Variants in GNG7 observed in about 807,000 individuals in gnomAD.
The protein encoded by GNG7 is guanine nucleotide-binding protein G(I)/G(S)/G(O) subunit gamma-7.
In GNG7, 1 loss-of-function variant was observed where a neutral mutation model predicts 4.0. The observed-to-expected ratio is 0.25, with a 90% confidence interval of 0.09 to 1.18. The LOEUF (loss-of-function observed/expected upper bound fraction) is 1.18, where lower values mean the gene tolerates loss of function less well. GNG7 is among the 50% of genes most tolerant of loss of function. GNG7 has a pLI of 0.50. For synonymous variants in GNG7, 34 were observed against 36.9 expected (o/e 0.92, Z 0.29); for missense variants, 86 against 91.9 (o/e 0.94, Z 0.26).
At position 2,696,334 on chromosome 19, in the gene GNG7, G is replaced by GA. The variant is rs1555705073; in HGVS notation, c.-135+6311dup. Among the ~76,000 whole-genome samples, 1,068 of 133,920 alleles carry GA rather than the reference G, an allele frequency of 8.0e-3. 13 individuals are homozygous for GA. The highest frequency in any genetic ancestry group is 0.029 in the African/African-American group (997 of 33,932). 87.9% of individuals were successfully genotyped at this position (133,920 alleles called of 152,430 possible). ...AGAAAGAAAGAAAGAAAGAAAGAAAGAAAGAAAGAAAGAAAAGAAAGAAAA... is the reference window on the plus strand; with the variant it reads ...AGAAAGAAAGAAAGAAAGAAAGAAAGAAAAGAAAGAAAGAAAAGAAAGAAAA... On this transcript the variant is annotated intron_variant, in intron 1 of 4. Transcript: ENST00000382159.
chr19:2,640,564 C>A (rs544414081), intron 2 of GNG7, among the ~76,000 whole-genome samples: 75 of 152,300 alleles, frequency 4.9e-4, no homozygotes, highest in African/African-American at 1.7e-3. Context: ...TGAGGCCCAT[C>A]GGTGCTGGGC....
intron 1 of GNG7, among the ~76,000 whole-genome samples, chr19:2,658,083 G>T: frequency 6.6e-6 from 1 of 152,230 alleles, no homozygotes; most frequent in Non-Finnish European, 1.5e-5. Context: ...ATGTCTTGGT[G>T]GTAGTGGTCC....
At chr19:2,542,400 G>A (rs116840699) in intron 3 of GNG7, among the ~76,000 whole-genome samples, 1,773 of 152,178 alleles carry the variant, frequency 0.012, 45 homozygotes, top group African/African-American at 0.041. Flanking sequence ...ACAGGTGCGA[G>A]TCACCGCGCC....
chr19:2,524,543 T>C (rs1294194672), intron 3 of GNG7, among the ~76,000 whole-genome samples: 1 of 152,252 alleles, frequency 6.6e-6, no homozygotes, highest in African/African-American at 2.4e-5. Context: ...TCTGCATGTG[T>C]ATGTGTACCT....
At chr19:2,598,746 C>T (rs1981111271) in intron 2 of GNG7, among the ~76,000 whole-genome samples, 1 of 150,742 alleles carries the variant, frequency 6.6e-6, no homozygotes. Flanking sequence ...CATCTTCCGT[C>T]AAAAGAATCA....
chr19:2,539,912 CCT>C (rs1377296266), intron 3 of GNG7, among the ~76,000 whole-genome samples: 2 of 146,840 alleles, frequency 1.4e-5, no homozygotes, highest in Admixed American at 6.8e-5. Context: ...TCCCTCCCTC[CCT>C]CTTTCTCTTT....
intron 3 of GNG7, chr19:2,538,868 A>C (rs991257027): frequency 8.3e-6 from 2 of 241,576 alleles, no homozygotes; most frequent in Admixed American, 1.1e-4. Flanking sequence ...TCCTGGGTTC[A>C]AGCCATTCTC....
In GNG7 at chr19:2,633,485, GCGCACACACA is replaced by G. The variant is rs1292519310; in HGVS notation, c.-78+12729_-78+12738del. 0.043 allele frequency among the ~76,000 whole-genome samples: 5,646 copies of G among 131,964 alleles called. 169 individuals carry two copies. Among genetic ancestry groups the G allele is most frequent in the Non-Finnish European group, 0.057 (3,525 of 62,028 alleles). The allele number at this position is 131,964 out of a possible 152,430, so 86.6% of individuals were successfully genotyped here. ...CTTAGCAACAGGCGCGCGCGCGCGC[GCGCACACACA>G]CACACACACACACACACACACACAC... On this transcript the variant is annotated intron_variant, in intron 2 of 4. Coordinates refer to ENST00000382159, the MANE Select transcript of GNG7 (RefSeq NM_052847.3). This position sits in a 1 kb window ranked among gnomAD's most constrained non-coding sequence, Gnocchi z 5.9.
chr19:2,637,785 G>A (rs775745504), intron 2 of GNG7, among the ~76,000 whole-genome samples: 3 of 151,344 alleles, frequency 2.0e-5, no homozygotes, highest in Non-Finnish European at 4.4e-5. Context: ...CATGCCAGGA[G>A]CATCCCTCCA....
rs554981706 is a variant in GNG7, at chr19:2,694,233, T to C, written c.-135+8413A>G. ...TTGGGGAGATTTTTTTGTTGCTTTT[T>C]TTTGGGGGGGGGCAGGGAATAGCAC... is the stretch of plus-strand genomic sequence containing the variant. On this transcript the variant is annotated intron_variant, in intron 1 of 4. Transcript: ENST00000382159. Among the ~76,000 whole-genome samples the C allele has an allele frequency of 9.3e-5, 14 of 150,824 alleles. No individual in the cohort carries two copies. The East Asian group carries it at 1.2e-3, about 13-fold the overall frequency.
intron 2 of GNG7, among the ~76,000 whole-genome samples, chr19:2,584,611 GGGAAGGAAGGA>G (rs1400257525): frequency 7.6e-6 from 1 of 131,140 alleles, no homozygotes; most frequent in Non-Finnish European, 1.6e-5. Context: ...GAGAGAGAGA[GGGAAGGAAGGA>G]GGAAGGAAGG....
intron 3 of GNG7, among the ~76,000 whole-genome samples, chr19:2,553,534 A>ATAT (rs1979412743): frequency 1.3e-5 from 2 of 148,320 alleles, no homozygotes; most frequent in Non-Finnish European, 1.5e-5. Context: ...ATTACATGTA[A>ATAT]CATCACATTA....
chr19:2,702,315 C>G (rs1050145289), intron 1 of GNG7, among the ~76,000 whole-genome samples: 2 of 147,700 alleles, frequency 1.4e-5, no homozygotes, highest in African/African-American at 2.5e-5. Context: ...AATCCTTCCC[C>G]AGCTAACCTC....
chr19:2,544,781 G>A (rs1205255528), intron 3 of GNG7, among the ~76,000 whole-genome samples: 1 of 152,136 alleles, frequency 6.6e-6, no homozygotes, highest in African/African-American at 2.4e-5. Flanking sequence ...TCGGGGTTGG[G>A]GGAGCTCCTG....
At chr19:2,520,175 C>A (rs759406254) in intron 4 of GNG7, among the ~76,000 whole-genome samples, 1 of 151,958 alleles carries the variant, frequency 6.6e-6, no homozygotes, top group African/African-American at 2.4e-5. Flanking sequence ...AGCAAGACTC[C>A]GTCTCAAACA....
chr19:2,662,936 A>G (rs967164924), intron 1 of GNG7, among the ~76,000 whole-genome samples: 1 of 152,226 alleles, frequency 6.6e-6, no homozygotes, highest in Non-Finnish European at 1.5e-5. Flanking sequence ...ACAAAAAGAC[A>G]TGACTTTGCA....
chr19:2,579,381 C>G (rs977665486), intron 2 of GNG7, among the ~76,000 whole-genome samples: 4 of 152,222 alleles, frequency 2.6e-5, no homozygotes, highest in African/African-American at 9.6e-5. Flanking sequence ...TGGCACCCAC[C>G]CAGACCTGCG....
chr19:2,661,775 G>C (rs1983187206), intron 1 of GNG7, among the ~76,000 whole-genome samples: 1 of 151,912 alleles, frequency 6.6e-6, no homozygotes, highest in African/African-American at 2.4e-5. Flanking sequence ...GTTGGAAGCT[G>C]AGGCCTCCAC....
Position 2,557,491 on chromosome 19 carries a change from G to T in GNG7, c.-77-2303C>A, listed in dbSNP as rs114540492. On this transcript the variant is annotated intron_variant, in intron 2 of 4. Transcript: ENST00000382159. This position sits in a 1 kb window ranked among gnomAD's most constrained non-coding sequence, Gnocchi z 5.1. ...GGGCTGCAGGACTTTTCCTCCTCCT[G>T]CCCAAAGGCACCTGCACTCACAAAA... Among the ~76,000 whole-genome samples the T allele has an allele frequency of 2.4e-3, 366 of 152,290 alleles. No homozygotes were observed. Among genetic ancestry groups the T allele is most frequent in the African/African-American group, 8.3e-3 (344 of 41,574 alleles).
Sources: allele counts gnomAD v4.1 joint callset (sites outside exome capture counted in the v4.1 genomes callset), GRCh38; gene constraint gnomAD v4.1.1; non-coding constraint Gnocchi (gnomAD v3.1); transcripts MANE v1.5; gene names NCBI Gene and HGNC (gene_info 2026-07-23, HGNC 2026-07-21).